Variants in RP1 observed in about 807,000 individuals in gnomAD.
The protein encoded by RP1 is oxygen-regulated protein 1.
A neutral mutation model predicts 14.8 loss-of-function variants in RP1; 16 were observed. The ratio of observed to expected loss-of-function variants is 1.08; its 90% CI spans 0.73 to 1.65. The LOEUF is 1.65. RP1 is among the 40% of genes most tolerant of loss of function. The pLI is 0.00. For missense variants in RP1, 2,631 were observed against 2,535.0 expected (o/e 1.04, Z -0.81); for synonymous variants, 876 against 883.6 (o/e 0.99, Z 0.15).
At chr8:54,682,644 TG>T (rs1159710552) in intron 12 of RP1, among the ~76,000 whole-genome samples, 1 of 152,028 alleles carries the variant, frequency 6.6e-6, no homozygotes, top group Non-Finnish European at 1.5e-5. Flanking sequence ...ATTTCTCTAA[TG>T]GGTTTTTTTT....
At chr8:54,718,782 A>T (rs1175438311) in intron 15 of RP1, among the ~76,000 whole-genome samples, 1 of 152,206 alleles carries the variant, frequency 6.6e-6, no homozygotes, top group Non-Finnish European at 1.5e-5. Context: ...ACATTCTGGA[A>T]AATGCAAAGC....
At chr8:54,823,725 C>T (rs540096784) in intron 24 of RP1, among the ~76,000 whole-genome samples, 76 of 152,168 alleles carry the variant, frequency 5.0e-4, no homozygotes, top group African/African-American at 1.8e-3. Flanking sequence ...TTGCTCATTT[C>T]CAGTTTGGGG....
chr8:54,847,881 G>A (rs2129406838), intron 25 of RP1, among the ~76,000 whole-genome samples: 1 of 152,336 alleles, frequency 6.6e-6, no homozygotes, highest in Non-Finnish European at 1.5e-5. Context: ...GCGGGGCTCT[G>A]AGTAGAGAAT....
chr8:54,603,206 A>T (rs1805336774), intron 1 of RP1, among the ~76,000 whole-genome samples: 1 of 152,012 alleles, frequency 6.6e-6, no homozygotes, highest in African/African-American at 2.4e-5. Flanking sequence ...TCTTGAATTA[A>T]TTTTTGTATA....
intron 18 of RP1, among the ~76,000 whole-genome samples, chr8:54,735,842 C>T (rs1046832496): frequency 6.6e-6 from 1 of 152,082 alleles, no homozygotes; most frequent in African/African-American, 2.4e-5. Context: ...CATAATATAC[C>T]TTGTGGTATA....
At chr8:54,809,604 T>C (rs1810939381) in intron 24 of RP1, among the ~76,000 whole-genome samples, 1 of 152,198 alleles carries the variant, frequency 6.6e-6, no homozygotes, top group Non-Finnish European at 1.5e-5. Context: ...AAAAAGACTG[T>C]TTCTTTCACA....
intron 19 of RP1, among the ~76,000 whole-genome samples, chr8:54,751,637 A>C (rs934176752): frequency 6.6e-6 from 1 of 152,214 alleles, no homozygotes; most frequent in Non-Finnish European, 1.5e-5. Flanking sequence ...AGGTCTTTTA[A>C]TTCAAATCCA....
intron 24 of RP1, among the ~76,000 whole-genome samples, chr8:54,788,518 T>C (rs894188111): frequency 2.0e-5 from 3 of 152,108 alleles, no homozygotes; most frequent in African/African-American, 7.2e-5. Flanking sequence ...TTGGTAACAT[T>C]TTACATTGAC....
At chr8:54,676,588 A>G (rs1361076482) in intron 8 of RP1, among the ~76,000 whole-genome samples, 3 of 152,220 alleles carry the variant, frequency 2.0e-5, no homozygotes, top group Non-Finnish European at 4.4e-5. Flanking sequence ...AATGCCGGTT[A>G]ATAAGACTTT....
chr8:54,754,662 C>T, intron 19 of RP1: 5 of 796,216 alleles, frequency 6.3e-6, no homozygotes, highest in Non-Finnish European at 8.7e-6. Flanking sequence ...CCTACGACTA[C>T]TACTACTAAC....
At chr8:54,781,963 A>G (rs898326088) in intron 23 of RP1, among the ~76,000 whole-genome samples, 13 of 152,154 alleles carry the variant, frequency 8.5e-5, no homozygotes, top group Non-Finnish European at 1.5e-4. Flanking sequence ...ATGCAAACTT[A>G]TTCCCGTCCC....
At chr8:54,583,891 TTTC>T (rs1380489177) in intron 1 of RP1, among the ~76,000 whole-genome samples, 2 of 152,208 alleles carry the variant, frequency 1.3e-5, no homozygotes, top group Non-Finnish European at 2.9e-5. Flanking sequence ...TCTTCTCTCT[TTTC>T]TTCTTTACTA....
At chr8:54,696,241 T>A (rs939302164) in intron 12 of RP1, among the ~76,000 whole-genome samples, 2 of 152,182 alleles carry the variant, frequency 1.3e-5, no homozygotes, top group African/African-American at 4.8e-5. Context: ...GATTTGGGAC[T>A]ATAAATTACC....
intron 28 of RP1, among the ~76,000 whole-genome samples, chr8:54,866,722 A>C (rs1812467154): frequency 1.3e-5 from 2 of 152,168 alleles, no homozygotes; most frequent in Admixed American, 6.5e-5. Flanking sequence ...CAATAAGGCA[A>C]TCCAGTTTCT....
exon 15 of RP1, chr8:54,706,621 A>G (rs979157269): frequency 2.0e-6 from 3 of 1,536,116 alleles, no homozygotes; most frequent in Non-Finnish European, 1.7e-6. Flanking sequence ...GCACAAATGT[A>G]TCTAAGAATC....
chr8:54,574,326 G>A (rs567237653), intron 1 of RP1, among the ~76,000 whole-genome samples: 2 of 152,170 alleles, frequency 1.3e-5, no homozygotes, highest in Non-Finnish European at 2.9e-5. Flanking sequence ...GGTAGCAAAG[G>A]CCTTTCTGAA....
intron 22 of RP1, among the ~76,000 whole-genome samples, chr8:54,766,691 C>T (rs1018557280): frequency 6.6e-6 from 1 of 152,084 alleles, no homozygotes; most frequent in African/African-American, 2.4e-5. Flanking sequence ...AGCAAAACAC[C>T]CTATATGTTT....
At chr8:54,677,527 G>T (rs1017148550) in intron 8 of RP1, among the ~76,000 whole-genome samples, 14 of 152,110 alleles carry the variant, frequency 9.2e-5, no homozygotes, top group African/African-American at 3.4e-4. Context: ...AGGAGTTCAA[G>T]ACCGGCCTGG....
intron 27 of RP1, among the ~76,000 whole-genome samples, chr8:54,860,039 C>A (rs1812307270): frequency 6.6e-6 from 1 of 152,134 alleles, no homozygotes; most frequent in Non-Finnish European, 1.5e-5. Flanking sequence ...AACATCAGGG[C>A]AATCACTATT....
Sources: allele counts gnomAD v4.1 joint callset (sites outside exome capture counted in the v4.1 genomes callset), GRCh38; gene constraint gnomAD v4.1.1; transcripts MANE v1.5; gene names NCBI Gene and HGNC (gene_info 2026-07-23, HGNC 2026-07-21).